The following LRP1B variants were observed in gnomAD, a reference collection of about 807,000 sequenced individuals.
LRP1B encodes the protein LDL receptor related protein 1B, also known as low-density lipoprotein receptor-related protein 1B.
In LRP1B, 217 loss-of-function variants were observed where a neutral mutation model predicts 556.6. The ratio of observed to expected loss-of-function variants is 0.39; its 90% CI spans 0.35 to 0.44. The LOEUF (loss-of-function observed/expected upper bound fraction) is 0.44, where lower values mean the gene tolerates loss of function less well. Ranked by LOEUF, LRP1B falls within the 20% of genes least tolerant of loss-of-function variation. The pLI is 1.00. For missense variants in LRP1B, 5,053 were observed against 5,620.8 expected (o/e 0.90, Z 3.23); for synonymous variants, 2,047 against 1,865.8 (o/e 1.10, Z -2.50).
intron 16 of LRP1B, among the ~76,000 whole-genome samples, chr2:140,992,153 TA>T (rs1697111506): frequency 6.6e-6 from 1 of 151,164 alleles, no homozygotes; most frequent in African/African-American, 2.4e-5. Flanking sequence ...GAAGTAAACA[TA>T]AAAAATTAAT....
intron 2 of LRP1B, among the ~76,000 whole-genome samples, chr2:141,711,781 T>C (rs1483591849): frequency 6.6e-6 from 1 of 152,150 alleles, no homozygotes; most frequent in Non-Finnish European, 1.5e-5. Flanking sequence ...TAGGGACATA[T>C]GGTTCAGTTC....
chr2:141,911,772 G>C (rs936346827), intron 1 of LRP1B, among the ~76,000 whole-genome samples: 1 of 152,018 alleles, frequency 6.6e-6, no homozygotes, highest in African/African-American at 2.4e-5. Flanking sequence ...CCTCTTTTAT[G>C]GATAGTAGCC....
intron 39 of LRP1B, 126 bp from the exon 40 acceptor site, chr2:140,701,971 G>T: frequency 2.2e-6 from 3 of 1,341,986 alleles, no homozygotes; most frequent in Non-Finnish European, 3.1e-6. Flanking sequence ...CTGTGACATT[G>T]AAATGCTTCA....
intron 66 of LRP1B, among the ~76,000 whole-genome samples, chr2:140,393,643 T>C (rs1044407489): frequency 6.6e-6 from 1 of 152,032 alleles, no homozygotes; most frequent in Non-Finnish European, 1.5e-5. Flanking sequence ...CAGGTAGTAA[T>C]GTTGGTTACC....
At chr2:141,493,598 T>C (rs1189709807) in intron 2 of LRP1B, among the ~76,000 whole-genome samples, 1 of 152,094 alleles carries the variant, frequency 6.6e-6, no homozygotes, top group Non-Finnish European at 1.5e-5. Context: ...ATGAGAGACA[T>C]CACAGGCAGG....
intron 41 of LRP1B, among the ~76,000 whole-genome samples, chr2:140,640,605 G>A (rs979024063): frequency 6.7e-6 from 1 of 149,622 alleles, no homozygotes; most frequent in Middle Eastern, 3.3e-3. Context: ...CCGTGGTCTC[G>A]ATCTCCTGAC....
chr2:141,526,291 C>T (rs2105183226), intron 2 of LRP1B, among the ~76,000 whole-genome samples: 1 of 152,062 alleles, frequency 6.6e-6, no homozygotes, highest in Non-Finnish European at 1.5e-5. Flanking sequence ...GAGTTATGGT[C>T]AGACCCAACT....
intron 43 of LRP1B, among the ~76,000 whole-genome samples, chr2:140,573,243 A>G (rs933885460): frequency 1.3e-5 from 2 of 151,910 alleles, no homozygotes; most frequent in African/African-American, 4.8e-5. Context: ...CACACTGTAT[A>G]CCATAAATAT....
At chr2:141,926,864 AGGT>A (rs1476054231) in intron 1 of LRP1B, among the ~76,000 whole-genome samples, 3 of 152,156 alleles carry the variant, frequency 2.0e-5, no homozygotes, top group Admixed American at 2.0e-4. Flanking sequence ...TATCCTAACA[AGGT>A]GAACTATTTT....
At chr2:140,730,758 T>C (rs1687750170) in intron 35 of LRP1B, among the ~76,000 whole-genome samples, 1 of 152,108 alleles carries the variant, frequency 6.6e-6, no homozygotes, top group African/African-American at 2.4e-5. Flanking sequence ...GGAGTTTCAC[T>C]GTGTTGGCCA....
intron 3 of LRP1B, among the ~76,000 whole-genome samples, chr2:141,429,882 A>G (rs1449918431): frequency 6.6e-6 from 1 of 152,202 alleles, no homozygotes; most frequent in African/African-American, 2.4e-5. Context: ...AAAGAAGCCT[A>G]TTGACAATGG....
At chr2:141,758,225 A>C (rs1421677703) in intron 2 of LRP1B, among the ~76,000 whole-genome samples, 2 of 152,108 alleles carry the variant, frequency 1.3e-5, no homozygotes. Context: ...TAACAACTTA[A>C]TATGCTTTAT....
At chr2:140,803,457 A>ATTAT (rs200960635) in intron 32 of LRP1B, among the ~76,000 whole-genome samples, 15 of 150,564 alleles carry the variant, frequency 1.0e-4, no homozygotes, top group Middle Eastern at 3.4e-3. Context: ...TATTTATTTT[A>ATTAT]TTATTTATTT....
Position 141,096,374 on chromosome 2 carries a change from G to A in LRP1B, c.1014-34101C>T, listed in dbSNP as rs572805074. On this transcript the variant is annotated intron_variant, in intron 7 of 90. Coordinates refer to ENST00000389484, the MANE Select transcript of LRP1B (RefSeq NM_018557.3). Reference sequence around the variant, plus strand: ...AGGCTGAAGCAGGAGGATCACTGGCGGTCAGGAGTTCAAGACCAGCCTGGC... The same window carrying A: ...AGGCTGAAGCAGGAGGATCACTGGCAGTCAGGAGTTCAAGACCAGCCTGGC... 3.3e-4 allele frequency among the ~76,000 whole-genome samples: 50 copies of A among 152,052 alleles called. No homozygotes were observed. The South Asian group carries it at 6.0e-3, about 18-fold the overall frequency.
rs1185956900 is a variant in LRP1B at position 141,820,755 on chromosome 2, T to C, written c.83-10354A>G. ...AATTCTAGCTGGAGCTCATTCATCC[T>C]TGAAACTAAGATGGATCGAGAGACA... On this transcript the variant is annotated intron_variant, in intron 1 of 90. Coordinates refer to ENST00000389484, the MANE Select transcript of LRP1B (RefSeq NM_018557.3). Among the ~76,000 whole-genome samples, 5 of 152,222 alleles carry C rather than the reference T, an allele frequency of 3.3e-5. No individual in the cohort carries two copies. The East Asian group carries it at 7.7e-4, about 23-fold the overall frequency.
chr2:141,047,945 T>C (rs1431768647), intron 11 of LRP1B, among the ~76,000 whole-genome samples: 1 of 152,118 alleles, frequency 6.6e-6, no homozygotes, highest in African/African-American at 2.4e-5. Context: ...TTCCTGTGAA[T>C]ATCCATTACA....
At chr2:141,292,930 T>A (rs146122681) in intron 3 of LRP1B, among the ~76,000 whole-genome samples, 271 of 152,320 alleles carry the variant, frequency 1.8e-3, no homozygotes, top group African/African-American at 6.1e-3. Context: ...CCTATTAGTT[T>A]ATCATAAAAA....
chr2:140,769,175 A>G, intron 35 of LRP1B, 38 bp downstream of exon 35: 1 of 1,576,336 alleles, frequency 6.3e-7, no homozygotes, highest in Non-Finnish European at 8.7e-7. Context: ...AATCAAGTGA[A>G]TATATTATGC....
intron 35 of LRP1B, among the ~76,000 whole-genome samples, chr2:140,766,865 T>TATATATATATATATAA (rs1559106499): frequency 1.7e-5 from 1 of 58,930 alleles, no homozygotes; most frequent in East Asian, 1.3e-3. Flanking sequence ...TATATATATA[T>TATATATATATATATAA]AATATATATA....
Sources: allele counts gnomAD v4.1 joint callset (sites outside exome capture counted in the v4.1 genomes callset), GRCh38; gene constraint gnomAD v4.1.1; transcripts MANE v1.5; gene names NCBI Gene and HGNC (gene_info 2026-07-23, HGNC 2026-07-21).